The following CSTF3 variants were observed in gnomAD, a reference collection of about 807,000 sequenced individuals.
CSTF3 encodes cleavage stimulation factor subunit 3, also known as CF-1 77 kDa subunit.
In CSTF3, 29 loss-of-function variants were observed where a neutral mutation model predicts 105.8. That is an observed-to-expected ratio of 0.27 (90% CI 0.20 to 0.37). The LOEUF is 0.37. CSTF3 is among the 10% of genes least tolerant of loss of function. The probability of loss-of-function intolerance (pLI) is 1.00; values close to 1 mark genes in which losing one functional copy is unlikely to be tolerated. For missense variants in CSTF3, 357 were observed against 879.3 expected (o/e 0.41, Z 7.51); for synonymous variants, 252 against 281.9 (o/e 0.89, Z 1.06).
chr11:33,138,746 T>C (rs1203938801), intron 3 of CSTF3, among the ~76,000 whole-genome samples: 1 of 151,886 alleles, frequency 6.6e-6, no homozygotes, highest in Admixed American at 6.6e-5. Context: ...TGTTAAATCA[T>C]GTGACCTAGC....
chr11:33,102,428 A>C, intron 9 of CSTF3, 89 bp from the exon 10 acceptor site: 1 of 1,168,188 alleles, frequency 8.6e-7, no homozygotes, highest in Non-Finnish European at 1.2e-6. Context: ...AAGACTGTTC[A>C]AGATGCCTAC....
At chr11:33,153,816 G>A (rs968347807) in intron 1 of CSTF3, among the ~76,000 whole-genome samples, 1 of 151,974 alleles carries the variant, frequency 6.6e-6, no homozygotes, top group African/African-American at 2.4e-5. Flanking sequence ...TTAAAGTAGG[G>A]ATCAGTTAAA....
chr11:33,151,539 A>G (rs1002195781), intron 1 of CSTF3, among the ~76,000 whole-genome samples: 12 of 152,122 alleles, frequency 7.9e-5, no homozygotes, highest in African/African-American at 2.4e-4. Context: ...TGCATATACT[A>G]AGTACTTTAC....
intron 1 of CSTF3, among the ~76,000 whole-genome samples, chr11:33,158,073 A>C (rs1008539276): frequency 1.3e-5 from 2 of 152,178 alleles, no homozygotes; most frequent in Non-Finnish European, 2.9e-5. Flanking sequence ...CTTCGAAGTA[A>C]TGGGGGTGAG....
intron 3 of CSTF3, among the ~76,000 whole-genome samples, chr11:33,131,581 T>A (rs1221326703): frequency 6.6e-6 from 1 of 152,134 alleles, no homozygotes; most frequent in Non-Finnish European, 1.5e-5. Context: ...GTGCGGTGGC[T>A]CACGCCTGTA....
intron 3 of CSTF3, among the ~76,000 whole-genome samples, chr11:33,124,980 C>T (rs1330596294): frequency 6.6e-6 from 1 of 152,078 alleles, no homozygotes; most frequent in African/African-American, 2.4e-5. Context: ...TAGTTTCATC[C>T]TCATGTGTCC....
chr11:33,126,535 TA>T (rs1855545066), intron 3 of CSTF3, among the ~76,000 whole-genome samples: 1 of 152,190 alleles, frequency 6.6e-6, no homozygotes, highest in African/African-American at 2.4e-5. Context: ...CTGAAATACT[TA>T]AATATTTAGG....
At chr11:33,112,793 T>TA (rs983420099) in intron 3 of CSTF3, among the ~76,000 whole-genome samples, 3 of 151,720 alleles carry the variant, frequency 2.0e-5, no homozygotes, top group South Asian at 2.1e-4. Flanking sequence ...ATTCTAAAAA[T>TA]AAAAAAAAAT....
chr11:33,120,048 G>C (rs901436948), intron 3 of CSTF3, among the ~76,000 whole-genome samples: 9 of 151,690 alleles, frequency 5.9e-5, no homozygotes, highest in Non-Finnish European at 1.0e-4. Flanking sequence ...ACCTTTGATA[G>C]TAAAATATGA....
intron 3 of CSTF3, among the ~76,000 whole-genome samples, chr11:33,128,681 G>A (rs1199520581): frequency 1.3e-5 from 2 of 151,388 alleles, no homozygotes; most frequent in South Asian, 2.1e-4. Context: ...TTTCTATAAC[G>A]TTCATGTAAG....
chr11:33,155,015 C>T (rs534711188), intron 1 of CSTF3, among the ~76,000 whole-genome samples: 1 of 152,016 alleles, frequency 6.6e-6, no homozygotes, highest in African/African-American at 2.4e-5. Flanking sequence ...TCCAAATCAT[C>T]CATAGATTAA....
At chr11:33,087,847 GTCT>G (rs1457359587) in intron 17 of CSTF3, among the ~76,000 whole-genome samples, 2 of 152,240 alleles carry the variant, frequency 1.3e-5, no homozygotes, top group Non-Finnish European at 1.5e-5. Flanking sequence ...TCCATCCACA[GTCT>G]TCTTTTCAGT....
At chr11:33,153,342 A>G (rs1849814106) in intron 1 of CSTF3, among the ~76,000 whole-genome samples, 1 of 152,222 alleles carries the variant, frequency 6.6e-6, no homozygotes, top group African/African-American at 2.4e-5. Flanking sequence ...AGCCTCTGGA[A>G]AGCCCTATGA....
intron 5 of CSTF3, among the ~76,000 whole-genome samples, chr11:33,106,843 C>T (rs1414717303): frequency 6.6e-6 from 1 of 152,104 alleles, no homozygotes; most frequent in Non-Finnish European, 1.5e-5. Context: ...TTGTGGTTCT[C>T]TCATTAATGA....
intron 3 of CSTF3, among the ~76,000 whole-genome samples, chr11:33,113,840 G>C (rs188241121): frequency 1.7e-3 from 263 of 151,896 alleles, no homozygotes; most frequent in Non-Finnish European, 3.0e-3. Context: ...TGGATCTCTT[G>C]AGCCCAGGAG....
intron 3 of CSTF3, among the ~76,000 whole-genome samples, chr11:33,129,010 G>T (rs978875897): frequency 2.6e-5 from 4 of 152,116 alleles, no homozygotes; most frequent in African/African-American, 9.7e-5. Flanking sequence ...TTACACAACA[G>T]ATACTGGAAA....
At chr11:33,157,784 C>T (rs533532637) in intron 1 of CSTF3, among the ~76,000 whole-genome samples, 118 of 152,328 alleles carry the variant, frequency 7.7e-4, no homozygotes, top group Non-Finnish European at 1.5e-3. Flanking sequence ...TAAATCTACA[C>T]CTGCATCTTG....
intron 3 of CSTF3, among the ~76,000 whole-genome samples, chr11:33,114,307 G>A (rs887819945): frequency 6.6e-6 from 1 of 152,142 alleles, no homozygotes; most frequent in East Asian, 1.9e-4. Flanking sequence ...CCTAATGTTA[G>A]GAACATATTT....
chr11:33,125,430 TATGA>T (rs1855532746), intron 3 of CSTF3, among the ~76,000 whole-genome samples: 1 of 152,190 alleles, frequency 6.6e-6, no homozygotes, highest in South Asian at 2.1e-4. Flanking sequence ...CCAGAAAGGG[TATGA>T]ATAAGCTATT....
Sources: gnomAD v4.1 joint callset for allele counts (sites outside exome capture counted in the v4.1 genomes callset) on GRCh38, gnomAD v4.1.1 for gene constraint, MANE v1.5 for transcripts, NCBI Gene and HGNC (gene_info 2026-07-23, HGNC 2026-07-21) for gene names.